Variants in CHL1 observed in about 807,000 individuals in gnomAD.
The protein encoded by CHL1 is neural cell adhesion molecule L1-like protein.
Under a neutral mutation model 141.9 loss-of-function variants are expected in CHL1, and 96 were observed. The observed-to-expected ratio is 0.68, with a 90% confidence interval of 0.57 to 0.80. The LOEUF (loss-of-function observed/expected upper bound fraction) is 0.80. Ranked by LOEUF, CHL1 falls within the 30% of genes least tolerant of loss-of-function variation. The pLI is 0.00. For missense variants in CHL1, 1,820 were observed against 1,457.2 expected, an observed-to-expected ratio of 1.25 and a Z score of -4.05; for synonymous variants, 613 against 502.2, an observed-to-expected ratio of 1.22 and a Z score of -2.95.
intron 19 of CHL1, 22 bp from the exon 20 acceptor site, chr3:389,230 T>G: frequency 6.4e-7 from 1 of 1,563,492 alleles, no homozygotes; most frequent in Non-Finnish European, 8.7e-7. Context: ...TCAGACTAAA[T>G]GAGTCTTGCC....
At chr3:324,792 G>T (rs1700882347) in intron 3 of CHL1, among the ~76,000 whole-genome samples, 1 of 151,796 alleles carries the variant, frequency 6.6e-6, no homozygotes, top group Non-Finnish European at 1.5e-5. Context: ...GTCTCCCTAT[G>T]TTACCCAGGT....
chr3:395,653 A>T (rs1315517797), intron 24 of CHL1, among the ~76,000 whole-genome samples: 1 of 152,238 alleles, frequency 6.6e-6, no homozygotes, highest in African/African-American at 2.4e-5. Flanking sequence ...GATGTAGAAG[A>T]TGGCAGAAAG....
intron 2 of CHL1, among the ~76,000 whole-genome samples, chr3:298,472 T>G (rs1698412209): frequency 1.3e-5 from 2 of 152,138 alleles, no homozygotes; most frequent in South Asian, 2.1e-4. Flanking sequence ...ATAGGAGTAT[T>G]TAGGTAATTA....
chr3:224,340 C>T (rs775153807), intron 1 of CHL1, among the ~76,000 whole-genome samples: 1 of 152,186 alleles, frequency 6.6e-6, no homozygotes, highest in Middle Eastern at 3.2e-3. Flanking sequence ...TCAGATTTCT[C>T]TTTGATATAG....
At chr3:337,142 C>G (rs552941260) in intron 5 of CHL1, among the ~76,000 whole-genome samples, 1 of 150,256 alleles carries the variant, frequency 6.7e-6, no homozygotes, top group South Asian at 2.1e-4. Flanking sequence ...GGAAATTGAT[C>G]TCATCTAGAC....
At chr3:331,872 G>C (rs1701469790) in intron 5 of CHL1, among the ~76,000 whole-genome samples, 1 of 152,144 alleles carries the variant, frequency 6.6e-6, no homozygotes, top group South Asian at 2.1e-4. Context: ...TGTAACCCTA[G>C]TGATAAAAGC....
chr3:232,467 T>C (rs1701951658), intron 1 of CHL1, among the ~76,000 whole-genome samples: 1 of 152,212 alleles, frequency 6.6e-6, no homozygotes, highest in Non-Finnish European at 1.5e-5. Context: ...TAGCCTACTT[T>C]ATTTTTTGAA....
intron 2 of CHL1, among the ~76,000 whole-genome samples, chr3:272,008 C>T (rs982702719): frequency 2.6e-5 from 4 of 152,278 alleles, no homozygotes; most frequent in African/African-American, 7.2e-5. Context: ...ATATGGTAGA[C>T]ATTTTCTGCA....
intron 5 of CHL1, among the ~76,000 whole-genome samples, chr3:335,200 C>A (rs1246569820): frequency 6.6e-6 from 1 of 152,180 alleles, no homozygotes; most frequent in Non-Finnish European, 1.5e-5. Flanking sequence ...GTGCTAAATT[C>A]TCCTAAGTGC....
intron 5 of CHL1, among the ~76,000 whole-genome samples, chr3:329,009 A>G (rs1158159081): frequency 6.6e-6 from 1 of 152,202 alleles, no homozygotes; most frequent in Non-Finnish European, 1.5e-5. Context: ...TGTTAACCGT[A>G]AATAAAATTT....
At position 382,784 on chromosome 3, in the gene CHL1, A is replaced by C; in HGVS notation, c.2176+113A>C. On this transcript the variant is annotated intron_variant, in intron 18 of 27. Coordinates refer to ENST00000256509, the MANE Select transcript of CHL1 (RefSeq NM_006614.4). ...TGTAGGATTTTAGATTTCTCCAAAT[A>C]GTGTTAACAGTTCTCTAAACAGCAC... is the stretch of plus-strand genomic sequence containing the variant. The C allele has an allele frequency of 3.4e-6, 3 of 890,172 alleles. No homozygotes were observed. In the South Asian group the frequency reaches 4.6e-5, roughly 14 times the overall value. 55.1% of individuals were successfully genotyped at this position (890,172 alleles called of 1,614,324 possible).
intron 1 of CHL1, chr3:197,766 G>C (rs1698489265): frequency 2.2e-6 from 1 of 455,550 alleles, no homozygotes; most frequent in South Asian, 1.6e-5. Context: ...GAGAGGGCGC[G>C]CCGGGGGCCG....
chr3:276,611 T>A (rs13081885), intron 2 of CHL1, among the ~76,000 whole-genome samples: 1 of 151,520 alleles, frequency 6.6e-6, no homozygotes, highest in Admixed American at 6.6e-5. Flanking sequence ...GCTCTGGGGC[T>A]GGGCACGGTG....
intron 2 of CHL1, among the ~76,000 whole-genome samples, chr3:250,956 T>C (rs772742276): frequency 1.3e-5 from 2 of 152,152 alleles, no homozygotes; most frequent in African/African-American, 2.4e-5. Flanking sequence ...GGGTTGAAGA[T>C]ACAGTCGCAA....
At chr3:387,700 C>G (rs1020584422) in intron 19 of CHL1, among the ~76,000 whole-genome samples, 2 of 152,170 alleles carry the variant, frequency 1.3e-5, no homozygotes, top group African/African-American at 2.4e-5. Flanking sequence ...AGCCCATGGC[C>G]TAATTCACTG....
intron 1 of CHL1, among the ~76,000 whole-genome samples, chr3:214,626 A>G (rs1243164416): frequency 6.6e-6 from 1 of 152,190 alleles, no homozygotes; most frequent in Admixed American, 6.5e-5. Context: ...TTAGAAAGAT[A>G]TAGACATGAA....
At chr3:390,845 T>C (rs1575270687) in intron 21 of CHL1, 29 bp downstream of exon 21, 2 of 1,509,906 alleles carry the variant, frequency 1.3e-6, no homozygotes, top group Middle Eastern at 1.7e-4. Flanking sequence ...TTTCCTCTTC[T>C]TGTTGAATTG....
At chr3:399,619 G>A (rs2387187) in intron 26 of CHL1, among the ~76,000 whole-genome samples, 146,354 of 152,202 alleles carry the variant, frequency 0.96, 70,604 homozygotes, top group East Asian at 1. Flanking sequence ...CAGCTTGGGC[G>A]ACAAGAGCAA....
At chr3:404,100 C>A (rs1262226799) in intron 27 of CHL1, among the ~76,000 whole-genome samples, 2 of 152,204 alleles carry the variant, frequency 1.3e-5, no homozygotes, top group Admixed American at 6.5e-5. Flanking sequence ...ATCTTAATCA[C>A]TTAGGAGCAC....
Sources: gnomAD v4.1 joint callset for allele counts (sites outside exome capture counted in the v4.1 genomes callset) on GRCh38, gnomAD v4.1.1 for gene constraint, MANE v1.5 for transcripts, NCBI Gene and HGNC (gene_info 2026-07-23, HGNC 2026-07-21) for gene names.